The following CDH12 variants were observed in gnomAD, a reference collection of about 807,000 sequenced individuals.
The protein encoded by CDH12 is cadherin 12.
Under a neutral mutation model 74.1 loss-of-function variants are expected in CDH12, and 41 were observed. That is an observed-to-expected ratio of 0.55 (90% CI 0.43 to 0.72). The LOEUF is 0.72. CDH12 is among the 30% of genes least tolerant of loss of function. The probability of loss-of-function intolerance (pLI) is 0.00; values close to 1 mark genes in which losing one functional copy is unlikely to be tolerated. For synonymous variants in CDH12, 399 were observed against 355.0 expected (o/e 1.12, Z -1.39); for missense variants, 945 against 977.2 (o/e 0.97, Z 0.44).
intron 3 of CDH12, among the ~76,000 whole-genome samples, chr5:22,249,388 G>GGTA (rs1753062723): frequency 6.6e-6 from 1 of 152,158 alleles, no homozygotes; most frequent in Admixed American, 6.5e-5. Context: ...GAGGCGATAA[G>GGTA]GTAGTAGAAG....
At chr5:21,771,820 A>G (rs889493545) in intron 11 of CDH12, among the ~76,000 whole-genome samples, 11 of 152,178 alleles carry the variant, frequency 7.2e-5, no homozygotes, top group South Asian at 2.1e-4. Context: ...AAAATATGTC[A>G]AATAAATATA....
At chr5:22,439,771 T>G (rs1293714855) in intron 2 of CDH12, among the ~76,000 whole-genome samples, 2 of 152,062 alleles carry the variant, frequency 1.3e-5, no homozygotes, top group Non-Finnish European at 2.9e-5. Context: ...AGGTCTGTTA[T>G]GAGGTTTTTC....
chr5:22,035,706 T>A (rs1739128896), intron 5 of CDH12, among the ~76,000 whole-genome samples: 1 of 116,954 alleles, frequency 8.6e-6, no homozygotes, highest in African/African-American at 3.6e-5. Flanking sequence ...TTTTTACACT[T>A]CACACATACA....
At chr5:22,609,873 T>C (rs1049267474) in intron 1 of CDH12, among the ~76,000 whole-genome samples, 6 of 152,232 alleles carry the variant, frequency 3.9e-5, no homozygotes, top group African/African-American at 1.4e-4. Flanking sequence ...AAATTAAATG[T>C]AGTTAAAAGA....
intron 8 of CDH12, among the ~76,000 whole-genome samples, chr5:21,834,435 C>T (rs1285831562): frequency 6.6e-6 from 1 of 151,830 alleles, no homozygotes; most frequent in Non-Finnish European, 1.5e-5. Context: ...TTGAAAGTTA[C>T]ATTCTCTTCC....
intron 1 of CDH12, among the ~76,000 whole-genome samples, chr5:22,665,939 C>G (rs1740589971): frequency 6.6e-6 from 1 of 151,988 alleles, no homozygotes; most frequent in Non-Finnish European, 1.5e-5. Context: ...ATGCAATCTC[C>G]TTAGGTAATA....
At chr5:21,770,447 A>G (rs538576296) in intron 11 of CDH12, among the ~76,000 whole-genome samples, 1 of 152,112 alleles carries the variant, frequency 6.6e-6, no homozygotes, top group African/African-American at 2.4e-5. Context: ...AACATGGTGA[A>G]ACCCCATCTC....
chr5:21,939,650 T>C (rs1019116029), intron 6 of CDH12, among the ~76,000 whole-genome samples: 4 of 152,136 alleles, frequency 2.6e-5, no homozygotes, highest in South Asian at 4.1e-4. Context: ...AAGGGAGTTA[T>C]ATGAAACTGT....
At chr5:22,184,069 C>T (rs765638497) in intron 4 of CDH12, among the ~76,000 whole-genome samples, 9 of 151,448 alleles carry the variant, frequency 5.9e-5, no homozygotes, top group Non-Finnish European at 8.8e-5. Context: ...CTGGGTCTGA[C>T]CTTCCAGTTG....
intron 8 of CDH12, among the ~76,000 whole-genome samples, chr5:21,823,747 G>A (rs903588981): frequency 3.3e-5 from 5 of 151,782 alleles, no homozygotes; most frequent in Non-Finnish European, 7.4e-5. Context: ...ACCTTGCCTT[G>A]TAGTTCACAG....
At chr5:22,834,014 T>C (rs1043384147) in intron 1 of CDH12, among the ~76,000 whole-genome samples, 11 of 152,176 alleles carry the variant, frequency 7.2e-5, no homozygotes, top group African/African-American at 2.7e-4. Context: ...CCCCATGAGA[T>C]AGACTAGACA....
At chr5:22,227,654 C>T (rs1179135535) in intron 3 of CDH12, among the ~76,000 whole-genome samples, 1 of 152,076 alleles carries the variant, frequency 6.6e-6, no homozygotes, top group South Asian at 2.1e-4. Flanking sequence ...ATAATATATT[C>T]TCTTTCATAT....
chr5:22,737,447 T>C (rs947302306), intron 1 of CDH12, among the ~76,000 whole-genome samples: 5 of 151,976 alleles, frequency 3.3e-5, no homozygotes, highest in Admixed American at 1.3e-4. Flanking sequence ...TCTTTACTGA[T>C]TTAACTGATT....
intron 6 of CDH12, among the ~76,000 whole-genome samples, chr5:21,871,114 A>AATT (rs1751594230): frequency 6.6e-6 from 1 of 152,170 alleles, no homozygotes. Context: ...AGGTAACAGA[A>AATT]TTTTTAAAAA....
At position 21,890,026 on chromosome 5, in the gene CDH12, T is replaced by C. The variant is rs181757980; in HGVS notation, c.527-35236A>G. On this transcript the variant is annotated intron_variant, in intron 6 of 14. Coordinates refer to ENST00000382254, the MANE Select transcript of CDH12 (RefSeq NM_004061.5). ...ATAAATCTCAAAGGTTCATTCTATG[T>C]TTCGGGAAATATGTAAAACACATTT... Among the ~76,000 whole-genome samples the C allele has an allele frequency of 7.0e-3, 1,062 of 152,256 alleles. 8 individuals are homozygous for C. Among genetic ancestry groups the C allele is most frequent in the African/African-American group, 0.024 (998 of 41,552 alleles).
chr5:22,457,753 AT>A (rs1332281073), intron 2 of CDH12, among the ~76,000 whole-genome samples: 2 of 101,952 alleles, frequency 2.0e-5, no homozygotes, highest in Admixed American at 1.0e-4. Context: ...TAATTTTTTT[AT>A]TTTTTTTTGA....
chr5:22,239,426 C>G (rs10079975), intron 3 of CDH12, among the ~76,000 whole-genome samples: 140,366 of 152,052 alleles, frequency 0.92, 65,121 homozygotes, highest in Non-Finnish European at 0.97. Flanking sequence ...CATCAGAATT[C>G]TGTTAAAAAA....
intron 1 of CDH12, among the ~76,000 whole-genome samples, chr5:22,784,618 T>A (rs1000434079): frequency 6.6e-6 from 1 of 152,132 alleles, no homozygotes; most frequent in Non-Finnish European, 1.5e-5. Context: ...GGCAAACTCA[T>A]CAATCTACCA....
chr5:22,686,936 G>T (rs1741830605), intron 1 of CDH12, among the ~76,000 whole-genome samples: 1 of 152,142 alleles, frequency 6.6e-6, no homozygotes, highest in Non-Finnish European at 1.5e-5. Flanking sequence ...TGCCTCAAAA[G>T]TTGTCCCTGT....
Sources: allele counts gnomAD v4.1 joint callset (sites outside exome capture counted in the v4.1 genomes callset), GRCh38; gene constraint gnomAD v4.1.1; transcripts MANE v1.5; gene names NCBI Gene and HGNC (gene_info 2026-07-23, HGNC 2026-07-21).